Variants in ANO2 observed in about 807,000 individuals in gnomAD.
ANO2 encodes anoctamin-2.
ANO2 carries 101 observed loss-of-function variants against 124.2 expected under a neutral mutation model. That is an observed-to-expected ratio of 0.81 (90% CI 0.69 to 0.96). The LOEUF (loss-of-function observed/expected upper bound fraction) is 0.96, where lower values mean the gene tolerates loss of function less well. ANO2 is among the 40% of genes least tolerant of loss of function. The probability of loss-of-function intolerance (pLI) is 0.00; values close to 1 mark genes in which losing one functional copy is unlikely to be tolerated. For synonymous variants in ANO2, 486 were observed against 482.5 expected, an observed-to-expected ratio of 1.01 and a Z score of -0.09; for missense variants, 1,293 against 1,274.5, an observed-to-expected ratio of 1.01 and a Z score of -0.22.
At chr12:5,893,904 G>A (rs1939590667) in intron 3 of ANO2, among the ~76,000 whole-genome samples, 1 of 152,120 alleles carries the variant, frequency 6.6e-6, no homozygotes. Context: ...GGGCATTTGG[G>A]TTGGTTCCAA....
At chr12:5,576,899 C>T (rs558922671) in intron 22 of ANO2, among the ~76,000 whole-genome samples, 1 of 152,334 alleles carries the variant, frequency 6.6e-6, no homozygotes, top group South Asian at 2.1e-4. Flanking sequence ...ACTTACTGGG[C>T]ACTTGTTATA....
intron 3 of ANO2, among the ~76,000 whole-genome samples, chr12:5,863,676 T>C (rs1955341203): frequency 6.6e-6 from 1 of 152,182 alleles, no homozygotes; most frequent in Non-Finnish European, 1.5e-5. Flanking sequence ...ATGTCAAAAC[T>C]CAACAGATTG....
intron 9 of ANO2, among the ~76,000 whole-genome samples, chr12:5,802,609 G>C (rs2137167441): frequency 6.6e-6 from 1 of 152,270 alleles, no homozygotes; most frequent in East Asian, 1.9e-4. Context: ...TCAGGGTGAA[G>C]GGAGGCACAC....
intron 3 of ANO2, among the ~76,000 whole-genome samples, chr12:5,877,294 C>T (rs1234535597): frequency 6.6e-6 from 1 of 152,108 alleles, no homozygotes; most frequent in African/African-American, 2.4e-5. Context: ...CTGCCAGTAG[C>T]CATAGGAAGC....
At chr12:5,732,170 G>C (rs774063776) in intron 14 of ANO2, among the ~76,000 whole-genome samples, 4 of 152,190 alleles carry the variant, frequency 2.6e-5, no homozygotes, top group Admixed American at 6.5e-5. Flanking sequence ...GCAAGCGTTC[G>C]ATAAGGATTA....
intron 8 of ANO2, 79 bp from the exon 9 acceptor site, chr12:5,806,172 T>C: frequency 2.1e-6 from 3 of 1,432,568 alleles, no homozygotes; most frequent in Non-Finnish European, 1.9e-6. Context: ...ATTTTCTTTT[T>C]TATTTTCTAA....
At chr12:5,719,977 A>G (rs942260719) in intron 14 of ANO2, among the ~76,000 whole-genome samples, 2 of 151,924 alleles carry the variant, frequency 1.3e-5, no homozygotes, top group African/African-American at 4.8e-5. Flanking sequence ...CAGGGTCTGC[A>G]TCTGGGAGAA....
intron 12 of ANO2, among the ~76,000 whole-genome samples, chr12:5,743,821 T>C (rs1197299520): frequency 6.6e-6 from 1 of 152,112 alleles, no homozygotes; most frequent in Non-Finnish European, 1.5e-5. Context: ...ATATCTACAA[T>C]CTTACCTAAG....
chr12:5,915,923 A>G (rs1319178798), intron 3 of ANO2, among the ~76,000 whole-genome samples: 3 of 152,154 alleles, frequency 2.0e-5, no homozygotes, highest in Non-Finnish European at 4.4e-5. Flanking sequence ...CTAAGTGTTC[A>G]TTATTACTAG....
At chr12:5,880,212 GT>G (rs1229996780) in intron 3 of ANO2, among the ~76,000 whole-genome samples, 1 of 152,112 alleles carries the variant, frequency 6.6e-6, no homozygotes, top group African/African-American at 2.4e-5. Flanking sequence ...AAGATACTGA[GT>G]TTTTTTATGA....
At chr12:5,932,438 A>G (rs1442548618) in intron 1 of ANO2, among the ~76,000 whole-genome samples, 1 of 149,440 alleles carries the variant, frequency 6.7e-6, no homozygotes, top group African/African-American at 2.5e-5. Flanking sequence ...AAAGTGACTA[A>G]TAAGGAAAGA....
chr12:5,757,929 A>T (rs1025778230), intron 10 of ANO2, among the ~76,000 whole-genome samples: 2 of 152,218 alleles, frequency 1.3e-5, no homozygotes, highest in Admixed American at 1.3e-4. Context: ...TTCAAACACA[A>T]GAGCAGTTTG....
At chr12:5,596,138 G>A (rs1429800569) in intron 20 of ANO2, among the ~76,000 whole-genome samples, 1 of 152,148 alleles carries the variant, frequency 6.6e-6, no homozygotes, top group Admixed American at 6.5e-5. Context: ...ACTTTGGGAG[G>A]CCGAGGCAGG....
chr12:5,815,289 A>G (rs1255894246), intron 7 of ANO2, among the ~76,000 whole-genome samples: 7 of 152,198 alleles, frequency 4.6e-5, no homozygotes, highest in Non-Finnish European at 1.0e-4. Context: ...TGAAACTGAG[A>G]TAGCAAAACT....
chr12:5,930,709 A>T (rs536759595), intron 1 of ANO2, among the ~76,000 whole-genome samples: 1 of 152,292 alleles, frequency 6.6e-6, no homozygotes, highest in Non-Finnish European at 1.5e-5. Context: ...CCAGGACAAC[A>T]GCCAAAATTT....
At chr12:5,878,582 G>A (rs1938269786) in intron 3 of ANO2, among the ~76,000 whole-genome samples, 1 of 152,180 alleles carries the variant, frequency 6.6e-6, no homozygotes. Context: ...AAATAACATA[G>A]ACAAACATAG....
intron 11 of ANO2, among the ~76,000 whole-genome samples, chr12:5,750,127 G>A (rs941298823): frequency 1.3e-5 from 2 of 151,540 alleles, no homozygotes; most frequent in African/African-American, 4.8e-5. Context: ...TAGAGATGAG[G>A]TCTCACTGTG....
chr12:5,890,350 T>C (rs1939306070), intron 3 of ANO2, among the ~76,000 whole-genome samples: 1 of 152,204 alleles, frequency 6.6e-6, no homozygotes, highest in African/African-American at 2.4e-5. Context: ...TGGGACCCTG[T>C]CAGAAGAGGT....
intron 4 of ANO2, among the ~76,000 whole-genome samples, chr12:5,835,854 T>TG (rs2137224545): frequency 6.6e-6 from 1 of 152,328 alleles, no homozygotes; most frequent in East Asian, 1.9e-4. Flanking sequence ...CCTGGAGGGA[T>TG]GGAGACAGAA....
Sources: gnomAD v4.1 joint callset for allele counts (sites outside exome capture counted in the v4.1 genomes callset) on GRCh38, gnomAD v4.1.1 for gene constraint, MANE v1.5 for transcripts, NCBI Gene and HGNC (gene_info 2026-07-23, HGNC 2026-07-21) for gene names.